Variants in OTOG observed in about 807,000 individuals in gnomAD.
OTOG encodes the protein otogelin.
In OTOG, 296 loss-of-function variants were observed where a neutral mutation model predicts 313.8. The observed-to-expected ratio is 0.94, with a 90% CI of 0.86 to 1.04. The LOEUF (loss-of-function observed/expected upper bound fraction) is 1.04, where lower values mean the gene tolerates loss of function less well. Ranked by LOEUF, OTOG falls within the 50% of genes least tolerant of loss-of-function variation. OTOG has a pLI of 0.00. For missense variants in OTOG, 3,948 were observed against 3,840.1 expected, an observed-to-expected ratio of 1.03 and a Z score of -0.74; for synonymous variants, 1,533 against 1,554.9, an observed-to-expected ratio of 0.99 and a Z score of 0.33.
At chr11:17,645,514 C>T (rs754546294) in intron 54 of OTOG, 50 bp from the exon 55 acceptor site, 5 of 1,531,682 alleles carry the variant, frequency 3.3e-6, no homozygotes, top group Non-Finnish European at 4.4e-6. Flanking sequence ...CCTGCTGCCC[C>T]GAAGAAGCCT....
rs1238877481 is a variant in OTOG, at chr11:17,547,835, G to A, written c.95-92G>A. On this transcript the variant is annotated intron_variant, in intron 1 of 55. Coordinates refer to ENST00000399397, the MANE Select transcript of OTOG (RefSeq NM_001292063.2). ...GGAGAATGGGGGAATGCTCAGTGGC[G>A]TGGGAGAGGCTTTCTAGCAGTGGGG... 198 of 445,178 alleles carry A rather than the reference G, an allele frequency of 4.4e-4. No individual in the cohort carries two copies. The East Asian group carries it at 5.9e-3, about 13-fold the overall frequency. 27.6% of individuals were successfully genotyped at this position (445,178 alleles called of 1,614,324 possible). A position where few individuals can be genotyped will look rare whatever the true frequency, so the allele number is the denominator to read the frequency against.
intron 44 of OTOG, 36 bp downstream of exon 44, chr11:17,634,317 G>C (rs936240658): frequency 6.5e-7 from 1 of 1,539,652 alleles, no homozygotes; most frequent in East Asian, 2.5e-5. Context: ...GACGTCAACT[G>C]TAAAACAGTT....
chr11:17,644,165 TG>T (rs1590064658), intron 54 of OTOG, among the ~76,000 whole-genome samples: 2 of 152,218 alleles, frequency 1.3e-5, no homozygotes, highest in South Asian at 2.1e-4. Flanking sequence ...TGGGCTTGCA[TG>T]GGAAAGCTTC....
Position 17,578,477 on chromosome 11 carries a change from A to G in OTOG, c.2710A>G (p.Ser904Gly). 6.5e-7 allele frequency: 1 copy of G among 1,540,808 alleles called. No homozygotes were observed. The highest frequency in any genetic ancestry group is 8.7e-7 in the Non-Finnish European group (1 of 1,146,852). ...GTGTGAGCAGCAACTGCTGAACCTG[A>G]GCGTGTCAGCCCGTGGCCCCTGCCT... ...RTCEQQLLNLSVSARGPCLSG... is the reference protein window; with the variant it reads ...RTCEQQLLNLGVSARGPCLSG... Residue 904 changes from serine (S) to glycine (G), a missense_variant, in exon 23 of 56, where the codon AGC becomes GGC. Coordinates refer to ENST00000399397, the MANE Select transcript of OTOG (RefSeq NM_001292063.2).
At chr11:17,574,607 C>A (rs761027027) in intron 19 of OTOG, 113 bp from the exon 20 acceptor site, 44 of 1,138,034 alleles carry the variant, frequency 3.9e-5, no homozygotes, top group Non-Finnish European at 5.1e-5. Context: ...TGACCTCAGA[C>A]AAATGTCTGA....
At chr11:17,606,236 C>G in intron 33 of OTOG, 101 bp downstream of exon 33, 1 of 1,355,084 alleles carries the variant, frequency 7.4e-7, no homozygotes, top group Non-Finnish European at 9.8e-7. Flanking sequence ...CCCTAAGAAG[C>G]AGAATCCTCC....
chr11:17,631,999 C>T (rs895380605), intron 41 of OTOG, 77 bp downstream of exon 41: 1 of 1,540,580 alleles, frequency 6.5e-7, no homozygotes, highest in Non-Finnish European at 8.8e-7. Context: ...TGCAGAGGCT[C>T]ATTGTTCCTT....
chr11:17,575,184 C>T (rs1362749716), intron 20 of OTOG, among the ~76,000 whole-genome samples: 1 of 152,258 alleles, frequency 6.6e-6, no homozygotes, highest in Non-Finnish European at 1.5e-5. Flanking sequence ...CTCCTCATTC[C>T]CCTCTCCTTC....
At chr11:17,632,523 T>C (rs537314424) in intron 42 of OTOG, among the ~76,000 whole-genome samples, 22 of 152,346 alleles carry the variant, frequency 1.4e-4, no homozygotes, top group Admixed American at 4.6e-4. Context: ...GTCTCTTCTC[T>C]GTAAGTGGAG....
At chr11:17,584,505 T>C (rs1243425917) in intron 23 of OTOG, among the ~76,000 whole-genome samples, 1 of 152,086 alleles carries the variant, frequency 6.6e-6, no homozygotes, top group Non-Finnish European at 1.5e-5. Context: ...TTTTTTATAA[T>C]AAATGGGTAT....
At position 17,596,995 on chromosome 11, in the gene OTOG, C is replaced by T. The variant is rs1300990637; in HGVS notation, c.3670C>T (p.Pro1224Ser). ...TGGGGTGGCTGTTGACTGGCGAACC[C>T]CCCGCCTCTGCCGTGAGTGTCCCAG... ...QHGVAVDWRTPRLCPYDCDFF... is the reference protein window; with the variant it reads ...QHGVAVDWRTSRLCPYDCDFF... Residue 1224 changes from proline to serine, a missense_variant, in exon 30 of 56, where the codon CCC (proline) becomes TCC (serine). Physicochemically the swap from Pro to Ser is moderately conservative, Grantham distance 74. Coordinates refer to ENST00000399397, the MANE Select transcript of OTOG (RefSeq NM_001292063.2). 6.5e-7 allele frequency: 1 copy of T among 1,549,630 alleles called. No individual in the cohort carries two copies. The highest frequency in any genetic ancestry group is 8.7e-7 in the Non-Finnish European group (1 of 1,146,522).
intron 25 of OTOG, among the ~76,000 whole-genome samples, chr11:17,592,967 A>G (rs1307556439): frequency 6.6e-6 from 1 of 152,216 alleles, no homozygotes; most frequent in Non-Finnish European, 1.5e-5. Flanking sequence ...TAATACATTC[A>G]TTCATCAGAT....
Position 17,631,910 on chromosome 11 carries a change from C to T in OTOG, c.6921C>T (p.Ala2307=). ...LRMVSNRTFS[A]CHRFVPPESF... ...TGGTGTCCAACCGCACCTTCAGTGC[C>T]TGCCACCGCTTTGTATGTGCCAACT... Residue 2307 remains alanine, a synonymous_variant, in exon 41 of 56, where the codon GCC becomes GCT. Transcript: ENST00000399397. 1 of 1,549,872 alleles carries T rather than the reference C, an allele frequency of 6.5e-7. No individual in the cohort carries two copies.
intron 32 of OTOG, 36 bp from the exon 33 acceptor site, chr11:17,605,821 T>C: frequency 6.6e-7 from 1 of 1,505,686 alleles, no homozygotes. Context: ...CCTGGACCTC[T>C]GCCTGTACTG....
chr11:17,593,353 G>A, intron 26 of OTOG, 26 bp downstream of exon 26: 1 of 1,549,792 alleles, frequency 6.5e-7, no homozygotes, highest in Non-Finnish European at 8.7e-7. Context: ...TGTGAAGGTT[G>A]TGTAGACAAT....
intron 24 of OTOG, among the ~76,000 whole-genome samples, chr11:17,589,187 G>T (rs1027114290): frequency 6.6e-6 from 1 of 152,086 alleles, no homozygotes; most frequent in Non-Finnish European, 1.5e-5. Context: ...TCCAGCTCTC[G>T]TTTTAAATTC....
At position 17,570,290 on chromosome 11, in the gene OTOG, C is replaced by T. The variant is rs909124808; in HGVS notation, c.1855C>T (p.Arg619Cys). The T allele has an allele frequency of 5.8e-6, 9 of 1,550,670 alleles. No individual in the cohort carries two copies. The highest frequency in any genetic ancestry group is 5.5e-5 in the African/African-American group (4 of 73,032). ...CGTGGGCGTGCGGGTGCTCTACGAC[C>T]GTGAAGGGCTCCGACTGTACCTGCA... is the stretch of plus-strand genomic sequence containing the variant. Reference protein sequence around the residue: ...TNVGVRVLYDREGLRLYLQVD... With the variant: ...TNVGVRVLYDCEGLRLYLQVD... The change falls in exon 17 of 56, where the codon CGT (arginine) becomes TGT (cysteine). Residue 619 changes from arginine (R) to cysteine (C), a missense_variant. By Grantham distance (180) the Arg-to-Cys change is radical. Transcript: ENST00000399397.
rs1209462462 is a variant in OTOG, at chr11:17,558,562, C to A, written c.1021C>A (p.Leu341Ile). The A allele has an allele frequency of 4.5e-6, 7 of 1,550,538 alleles. No individual in the cohort carries two copies. The East Asian group carries it at 1.7e-4, about 38-fold the overall frequency. Reference sequence around the variant, plus strand: ...GGGCGTGTACGAGCAGTGTGAGGCTCTACTGCGGCCCCCCTTTGACGCCTG... The same window carrying A: ...GGGCGTGTACGAGCAGTGTGAGGCTATACTGCGGCCCCCCTTTGACGCCTG... ...MQGVYEQCEA[L>I]LRPPFDACHA... Residue 341 changes from leucine to isoleucine, a missense_variant, in exon 10 of 56, where the codon CTA becomes ATA. Transcript: ENST00000399397.
intron 33 of OTOG, among the ~76,000 whole-genome samples, 181 bp from the exon 34 acceptor site, chr11:17,608,115 C>A (rs1853432787): frequency 1.3e-5 from 2 of 152,198 alleles, no homozygotes; most frequent in Non-Finnish European, 2.9e-5. Context: ...TCCCCAGGAT[C>A]CCCCAGGCAC....
Sources: gnomAD v4.1 joint callset for allele counts (sites outside exome capture counted in the v4.1 genomes callset) on GRCh38, gnomAD v4.1.1 for gene constraint, MANE v1.5 for transcripts, NCBI Gene and HGNC (gene_info 2026-07-23, HGNC 2026-07-21) for gene names.